C1orf141: variants seen among roughly 807,000 people sequenced by gnomAD.
The protein encoded by C1orf141 is uncharacterized protein C1orf141.
C1orf141 carries 19 observed loss-of-function variants against 23.2 expected under a neutral mutation model. The ratio of observed to expected loss-of-function variants is 0.82; its 90% CI spans 0.57 to 1.20. The LOEUF (loss-of-function observed/expected upper bound fraction) is 1.20, where lower values mean the gene tolerates loss of function less well. C1orf141 is among the 50% of genes most tolerant of loss of function. The pLI is 0.00. For synonymous variants in C1orf141, 153 were observed against 154.6 expected (o/e 0.99, Z 0.08); for missense variants, 469 against 455.1 (o/e 1.03, Z -0.28).
intron 7 of C1orf141, 28 bp from the exon 8 acceptor site, chr1:67,093,632 TC>T: frequency 6.7e-7 from 1 of 1,490,628 alleles, no homozygotes; most frequent in Non-Finnish European, 8.9e-7. Flanking sequence ...GAATAATTAG[TC>T]ATAAGTTCAT....
intron 3 of C1orf141, 122 bp from the exon 4 acceptor site, chr1:67,126,031 C>A: frequency 5.4e-6 from 6 of 1,105,120 alleles, no homozygotes; most frequent in Non-Finnish European, 6.3e-6. Context: ...ATTTAGGTGG[C>A]AGGCAATAAT....
intron 4 of C1orf141, among the ~76,000 whole-genome samples, chr1:67,118,448 A>G (rs1646239453): frequency 6.6e-6 from 1 of 152,186 alleles, no homozygotes. Context: ...CTGGCATCTT[A>G]TTCCTCAGTT....
intron 2 of C1orf141, among the ~76,000 whole-genome samples, chr1:67,127,761 A>G (rs1646443917): frequency 6.6e-6 from 1 of 151,942 alleles, no homozygotes; most frequent in Non-Finnish European, 1.5e-5. Flanking sequence ...AAGCCTCCTG[A>G]GTAGCTGGGA....
At chr1:67,097,207 CAAAA>C (rs1332090661) in intron 5 of C1orf141, among the ~76,000 whole-genome samples, 1 of 151,872 alleles carries the variant, frequency 6.6e-6, no homozygotes, top group Non-Finnish European at 1.5e-5. Flanking sequence ...AAAACAAAAA[CAAAA>C]ACAAACAAAA....
intron 4 of C1orf141, among the ~76,000 whole-genome samples, chr1:67,124,408 G>A (rs553898489): frequency 6.6e-6 from 1 of 152,282 alleles, no homozygotes; most frequent in South Asian, 2.1e-4. Context: ...TGCCTCCCGA[G>A]TTCAAGCAAT....
intron 2 of C1orf141, among the ~76,000 whole-genome samples, chr1:67,127,791 T>C (rs113181267): frequency 0.15 from 22,319 of 151,800 alleles, 2,238 homozygotes; most frequent in African/African-American, 0.29. Context: ...TGCACCACCA[T>C]GCCCAGCTAC....
At chr1:67,101,675 T>G (rs2102428249) in intron 5 of C1orf141, among the ~76,000 whole-genome samples, 1 of 152,242 alleles carries the variant, frequency 6.6e-6, no homozygotes, top group Non-Finnish European at 1.5e-5. Flanking sequence ...CACTTTCAAT[T>G]TAATAAATTT....
At chr1:67,096,207 C>T (rs1375662160) in intron 6 of C1orf141, 45 bp downstream of exon 6, 1 of 918,546 alleles carries the variant, frequency 1.1e-6, no homozygotes, top group Non-Finnish European at 1.7e-6. Context: ...CTACTAGAAA[C>T]ATCATTAAAC....
chr1:67,108,072 T>G (rs1032454051), intron 5 of C1orf141, among the ~76,000 whole-genome samples: 6 of 152,206 alleles, frequency 3.9e-5, no homozygotes, highest in African/African-American at 7.2e-5. Context: ...TAGTGGCAGC[T>G]TCCTGGAAAA....
At chr1:67,105,832 A>C (rs1254553891) in intron 5 of C1orf141, among the ~76,000 whole-genome samples, 3 of 152,210 alleles carry the variant, frequency 2.0e-5, no homozygotes, top group Non-Finnish European at 2.9e-5. Context: ...TGTATGGAGC[A>C]TCTAAAATTC....
chr1:67,103,797 T>G (rs1645861361), intron 5 of C1orf141, among the ~76,000 whole-genome samples: 2 of 152,118 alleles, frequency 1.3e-5, no homozygotes, highest in African/African-American at 4.8e-5. Flanking sequence ...AGATCAGTTC[T>G]GAGTAGAGAA....
chr1:67,130,619 CT>C (rs1467397622), intron 2 of C1orf141, among the ~76,000 whole-genome samples: 14 of 152,084 alleles, frequency 9.2e-5, no homozygotes, highest in Admixed American at 9.2e-4. Flanking sequence ...TATGTTTTTG[CT>C]TTAAAAATAG....
chr1:67,105,861 G>A (rs1057055800), intron 5 of C1orf141, among the ~76,000 whole-genome samples: 4 of 152,210 alleles, frequency 2.6e-5, no homozygotes, highest in African/African-American at 9.6e-5. Flanking sequence ...AAACCACGTT[G>A]TTTCTGGCCA....
chr1:67,111,929 T>A (rs1646081848), intron 5 of C1orf141, among the ~76,000 whole-genome samples: 1 of 152,190 alleles, frequency 6.6e-6, no homozygotes, highest in Non-Finnish European at 1.5e-5. Flanking sequence ...GAATCATATG[T>A]GTTATTCAAA....
rs982850449 is a variant in C1orf141, at chr1:67,126,215, T to C, written c.76-306A>G. On this transcript the variant is annotated intron_variant, in intron 3 of 7. Transcript: ENST00000684719. ...CAGAATTTAAGGAAAGATCTACATA[T>C]TTAGATACATAGAGTTCTTGGAACC... 7.2e-5 allele frequency among the ~76,000 whole-genome samples: 11 copies of C among 152,146 alleles called. 1 individual carries two copies. In the East Asian group the frequency reaches 2.1e-3, roughly 29 times the overall value.
chr1:67,135,855 A>G (rs1303489305), upstream of C1orf141, among the ~76,000 whole-genome samples: 1 of 147,168 alleles, frequency 6.8e-6, no homozygotes, highest in Non-Finnish European at 1.5e-5. Flanking sequence ...AAGGAAAAAA[A>G]GCACCAGAAT....
At chr1:67,137,773 T>A (rs890116349), upstream of C1orf141, among the ~76,000 whole-genome samples, 15 of 152,252 alleles carry the variant, frequency 9.9e-5, no homozygotes, top group Non-Finnish European at 2.1e-4. Context: ...TTTCTTTTCT[T>A]TGGGCAAGAG....
chr1:67,101,716 T>C (rs866733935), intron 5 of C1orf141, among the ~76,000 whole-genome samples: 3 of 152,246 alleles, frequency 2.0e-5, no homozygotes, highest in Middle Eastern at 3.4e-3. Flanking sequence ...GTGTTATTCA[T>C]TTTGGCCAGG....
intron 1 of C1orf141, among the ~76,000 whole-genome samples, chr1:67,132,267 C>T (rs1015276597): frequency 2.0e-5 from 3 of 152,078 alleles, no homozygotes; most frequent in Non-Finnish European, 4.4e-5. Flanking sequence ...CATCTGTAAT[C>T]CCAGCACTTC....
Sources: allele counts gnomAD v4.1 joint callset (sites outside exome capture counted in the v4.1 genomes callset), GRCh38; gene constraint gnomAD v4.1.1; transcripts MANE v1.5; gene names NCBI Gene and HGNC (gene_info 2026-07-23, HGNC 2026-07-21).